ZNF490: variants seen among roughly 807,000 people sequenced by gnomAD.
ZNF490 encodes zinc finger protein 490.
In ZNF490, 11 loss-of-function variants were observed where a neutral mutation model predicts 17.7. The ratio of observed to expected loss-of-function variants is 0.62; its 90% CI spans 0.39 to 1.03. The LOEUF (loss-of-function observed/expected upper bound fraction) is 1.03, where lower values mean the gene tolerates loss of function less well. ZNF490 is among the 50% of genes least tolerant of loss of function. ZNF490 has a pLI of 0.00. For synonymous variants in ZNF490, 222 were observed against 216.1 expected, an observed-to-expected ratio of 1.03 and a Z score of -0.24; for missense variants, 542 against 643.4, an observed-to-expected ratio of 0.84 and a Z score of 1.71.
chr19:12,588,163 CA>C (rs2022824124), intron 2 of ZNF490, among the ~76,000 whole-genome samples: 1 of 150,758 alleles, frequency 6.6e-6, no homozygotes, highest in African/African-American at 2.4e-5. Flanking sequence ...CATGCCTGGT[CA>C]ATTTTTATAT....
In ZNF490 at chr19:12,578,643, C is replaced by G. The variant is rs188205499; in HGVS notation, c.*1842G>C. 3.0e-5 allele frequency: 30 copies of G among 985,444 alleles called. No individual in the cohort carries two copies. In the East Asian group the frequency reaches 2.5e-3, roughly 82 times the overall value. The allele number at this position is 985,444 out of a possible 1,614,324, so 61.0% of individuals were successfully genotyped here. ...TTGGGGAAAAACTGTAAGATGCGAA[C>G]CTTTGTCTTAGAAGTACAGCATTCC... On this transcript the variant is annotated 3_prime_UTR_variant, in exon 5 of 5. Coordinates refer to ENST00000311437, the MANE Select transcript of ZNF490 (RefSeq NM_020714.3).
chr19:12,602,461 A>C (rs2023019614), intron 2 of ZNF490, among the ~76,000 whole-genome samples: 1 of 151,984 alleles, frequency 6.6e-6, no homozygotes, highest in African/African-American at 2.4e-5. Context: ...GAGGCAGGAG[A>C]ATCACTTAAA....
chr19:12,580,045 T>A lies in ZNF490; in HGVS notation c.*440A>T, dbSNP rs1023886272. On this transcript the variant is annotated 3_prime_UTR_variant, in exon 5 of 5. Coordinates refer to ENST00000311437, the MANE Select transcript of ZNF490 (RefSeq NM_020714.3). ...TTGCTTGAATCCGGGAGGCGGAGGT[T>A]GCGGTGAGCCGCGATCGCACCACTG... 3 of 664,726 alleles carry A rather than the reference T, an allele frequency of 4.5e-6. No homozygotes were observed. In the African/African-American group the frequency reaches 5.9e-5, roughly 13 times the overall value. The allele number at this position is 664,726 out of a possible 1,614,324, so 41.2% of individuals were successfully genotyped here. A position where few individuals can be genotyped will look rare whatever the true frequency, so the allele number is the denominator to read the frequency against.
At chr19:12,610,361 C>G (rs1314987345) in intron 1 of ZNF490, among the ~76,000 whole-genome samples, 1 of 150,766 alleles carries the variant, frequency 6.6e-6, no homozygotes, top group Non-Finnish European at 1.5e-5. Context: ...TGTGCGCCAC[C>G]AAGCCCTGCC....
intron 2 of ZNF490, among the ~76,000 whole-genome samples, chr19:12,583,791 C>CTCTA (rs1315571249): frequency 2.0e-3 from 138 of 68,086 alleles, no homozygotes; most frequent in African/African-American, 2.2e-3. Context: ...CTCTCTCTCT[C>CTCTA]TATATATATA....
At chr19:12,609,945 C>G (rs752100463) in intron 1 of ZNF490, 2 of 455,242 alleles carry the variant, frequency 4.4e-6, no homozygotes, top group Non-Finnish European at 8.8e-6. Context: ...AATATATCCA[C>G]GTAACACAAG....
chr19:12,581,564 G>A lies in ZNF490; in HGVS notation c.511C>T (p.Leu171Phe). 2 of 1,614,012 alleles carry A rather than the reference G, an allele frequency of 1.2e-6. No individual in the cohort carries two copies. The highest frequency in any genetic ancestry group is 2.2e-5 in the East Asian group (1 of 44,868). ...CGEVFMHQVSLNRHMRSHTEQ... is the reference protein window; with the variant it reads ...CGEVFMHQVSFNRHMRSHTEQ... The stretch of plus-strand genomic sequence containing the variant: ...GTGTGAGATCTCATGTGCCTATTAA[G>A]GGAGACCTGATGCATGAAGACTTCC... The change falls in exon 5 of 5, where the codon CTT (leucine) becomes TTT (phenylalanine). Residue 171 changes from leucine to phenylalanine, a missense_variant. Transcript: ENST00000311437.
intron 2 of ZNF490, among the ~76,000 whole-genome samples, chr19:12,583,965 C>T (rs1256530456): frequency 6.6e-6 from 1 of 151,350 alleles, no homozygotes; most frequent in African/African-American, 2.4e-5. Flanking sequence ...CGCCCACCAC[C>T]ACACCCAGCT....
rs2022712219 is a variant in ZNF490, at chr19:12,580,388, A to T, written c.*97T>A. On this transcript the variant is annotated 3_prime_UTR_variant, in exon 5 of 5. Coordinates refer to ENST00000311437, the MANE Select transcript of ZNF490 (RefSeq NM_020714.3). Reference sequence around the variant, plus strand: ...AATTAGGACAACTGAAGGCTTAATCACACCGTTTACATTCCTTGAATTTCT... The same window carrying T: ...AATTAGGACAACTGAAGGCTTAATCTCACCGTTTACATTCCTTGAATTTCT... 1.3e-6 allele frequency: 2 copies of T among 1,496,978 alleles called. No individual in the cohort carries two copies. Among genetic ancestry groups the T allele is most frequent in the Non-Finnish European group, 1.8e-6 (2 of 1,127,486 alleles). The allele number at this position is 1,496,978 out of a possible 1,614,324, so 92.7% of individuals were successfully genotyped here.
chr19:12,581,748 A>G, intron 4 of ZNF490, 24 bp from the exon 5 acceptor site: 1 of 1,542,352 alleles, frequency 6.5e-7, no homozygotes, highest in South Asian at 1.2e-5. Flanking sequence ...GTACCGTATT[A>G]TTAATAGTTT....
intron 2 of ZNF490, among the ~76,000 whole-genome samples, chr19:12,601,789 G>A (rs1019209278): frequency 6.6e-5 from 10 of 151,726 alleles, no homozygotes; most frequent in Non-Finnish European, 1.5e-4. Flanking sequence ...TCAGGAGATC[G>A]AGACCATCCT....
rs112821958 is a variant in ZNF490 at position 12,592,398 on chromosome 19, T to TA, written c.163-8843dup. On this transcript the variant is annotated intron_variant, in intron 2 of 4. Coordinates refer to ENST00000311437, the MANE Select transcript of ZNF490 (RefSeq NM_020714.3). ...GTTATGATGAGACCCCATCTCAATT[T>TA]AAAAAAAAAAAAAAGACGTGGAGAA... 7.2e-4 allele frequency among the ~76,000 whole-genome samples: 101 copies of TA among 140,184 alleles called. 1 individual carries two copies. Among genetic ancestry groups the TA allele is most frequent in the Middle Eastern group, 7.0e-3 (2 of 284 alleles). The allele number at this position is 140,184 out of a possible 152,430, so 92.0% of individuals were successfully genotyped here.
Position 12,581,537 on chromosome 19 carries a change from C to A in ZNF490, c.538G>T (p.Glu180Ter). The change falls in exon 5 of 5, where the codon GAA (glutamate) becomes TAA (stop). Residue 180 changes from glutamate to a stop codon, truncating the protein, a stop_gained. Coordinates refer to ENST00000311437, the MANE Select transcript of ZNF490 (RefSeq NM_020714.3). LOFTEE classifies it low-confidence loss of function (END_TRUNC). ...TCGTGACACTCATTTGGTTTCTGTT[C>A]AGTGTGAGATCTCATGTGCCTATTA... The part of the protein sequence containing the change: ...SLNRHMRSHT[E>*]QKPNECHEYG... 1 of 1,614,104 alleles carries A rather than the reference C, an allele frequency of 6.2e-7. No individual in the cohort carries two copies. Among genetic ancestry groups the A allele is most frequent in the Non-Finnish European group, 8.5e-7 (1 of 1,180,038 alleles).
chr19:12,601,192 T>C (rs2022998769), intron 2 of ZNF490, among the ~76,000 whole-genome samples: 1 of 150,038 alleles, frequency 6.7e-6, no homozygotes, highest in Non-Finnish European at 1.5e-5. Flanking sequence ...ATCGAGACCA[T>C]CCTGGCTAAC....
In ZNF490 at chr19:12,609,164, AG is replaced by A; in HGVS notation, c.155del (p.Thr52IlefsTer13). The A allele has an allele frequency of 6.2e-7, 1 of 1,614,080 alleles. No individual in the cohort carries two copies. Among genetic ancestry groups the A allele is most frequent in the East Asian group, 2.2e-5 (1 of 44,882 alleles). On this transcript the variant is annotated frameshift_variant, in exon 2 of 5. Transcript: ENST00000311437. LOFTEE classifies it high-confidence loss of function. ...AGGTAGCGATCTCACTTACAGTTTG[AG>A]TCTTGATGCTTTGTCCATGGTGTTC... ...NSEHHGQSIK[T>X]QTDSISLEDV... is the part of the protein sequence containing the mutation.
In ZNF490 at chr19:12,610,559, G is replaced by C. The variant is rs558207335; in HGVS notation, c.117+5C>G. ...CCTTACAACATTATGCCAAGCCCCT[G>C]GTACCTGGAGGACATCAGACCCTCC... is the stretch of plus-strand genomic sequence containing the variant. On this transcript the variant is annotated splice_donor_5th_base_variant and intron_variant, in intron 1 of 4. Transcript: ENST00000311437. 1.2e-6 allele frequency: 2 copies of C among 1,611,080 alleles called. No individual in the cohort carries two copies. Among genetic ancestry groups the C allele is most frequent in the African/African-American group, 2.7e-5 (2 of 74,904 alleles).
intron 2 of ZNF490, among the ~76,000 whole-genome samples, chr19:12,595,854 G>C (rs2022926515): frequency 1.3e-5 from 2 of 152,158 alleles, no homozygotes; most frequent in Admixed American, 1.3e-4. Flanking sequence ...GGAGGCTGAG[G>C]CAGGGAGAAT....
chr19:12,599,139 C>CAAAAAAAAAAA (rs55911311), intron 2 of ZNF490, among the ~76,000 whole-genome samples: 95 of 68,546 alleles, frequency 1.4e-3, no homozygotes, highest in East Asian at 2.0e-3. Context: ...GACTCTGTCT[C>CAAAAAAAAAAA]AAAAAAAAAA....
At position 12,585,228 on chromosome 19, in the gene ZNF490, G is replaced by A. The variant is rs2022798099; in HGVS notation, c.163-1672C>T. 2.1e-5 allele frequency among the ~76,000 whole-genome samples: 2 copies of A among 94,112 alleles called. 1 individual carries two copies. The highest frequency in any genetic ancestry group is 6.4e-5 in the African/African-American group (2 of 31,440). The allele number at this position is 94,112 out of a possible 152,430, so 61.7% of individuals were successfully genotyped here. A position where few individuals can be genotyped will look rare whatever the true frequency, so the allele number is the denominator to read the frequency against. On this transcript the variant is annotated intron_variant, in intron 2 of 4. Coordinates refer to ENST00000311437, the MANE Select transcript of ZNF490 (RefSeq NM_020714.3). ...ATGTGGGGTACACAGTGGAAACTGA[G>A]GAATGAGGTTTTAAAGCTGTGAGCA...
Sources: gnomAD v4.1 joint callset for allele counts (sites outside exome capture counted in the v4.1 genomes callset) on GRCh38, gnomAD v4.1.1 for gene constraint, MANE v1.5 for transcripts, NCBI Gene and HGNC (gene_info 2026-07-23, HGNC 2026-07-21) for gene names.